PLEKHA7: variants seen among roughly 807,000 people sequenced by gnomAD.
The protein encoded by PLEKHA7 is pleckstrin homology domain-containing family A member 7.
In PLEKHA7, 104 loss-of-function variants were observed where a neutral mutation model predicts 170.0. The observed-to-expected ratio is 0.61, with a 90% CI of 0.52 to 0.72. The LOEUF (loss-of-function observed/expected upper bound fraction) is 0.72, where lower values mean the gene tolerates loss of function less well. Ranked by LOEUF, PLEKHA7 falls within the 30% of genes least tolerant of loss-of-function variation. The pLI is 0.00. For synonymous variants in PLEKHA7, 648 were observed against 660.8 expected (o/e 0.98, Z 0.30); for missense variants, 1,615 against 1,671.7 (o/e 0.97, Z 0.59).
At chr11:16,968,426 T>A (rs542258807) in intron 3 of PLEKHA7, among the ~76,000 whole-genome samples, 1 of 152,346 alleles carries the variant, frequency 6.6e-6, no homozygotes, top group South Asian at 2.1e-4. Flanking sequence ...TGGCCATGTC[T>A]GTGGGCTCAG....
rs145937357 is a variant in PLEKHA7 at position 16,813,942 on chromosome 11, G to A, written c.1954-776C>T. On this transcript the variant is annotated intron_variant, in intron 12 of 26. Transcript: ENST00000531066. ...CACAGAAGCTAACTGTGAGGCAGAG[G>A]AGCTGTGAAAGCTGTGAAAGAAAAA... Among the ~76,000 whole-genome samples the A allele has an allele frequency of 1.1e-4, 17 of 152,348 alleles. No individual in the cohort carries two copies. The South Asian group carries it at 1.7e-3, about 15-fold the overall frequency.
At position 16,897,832 on chromosome 11, in the gene PLEKHA7, G is replaced by A. The variant is rs569171015; in HGVS notation, c.222-26650C>T. Among the ~76,000 whole-genome samples the A allele has an allele frequency of 5.3e-5, 8 of 152,286 alleles. No individual in the cohort carries two copies. In the South Asian group the frequency reaches 8.3e-4, roughly 16 times the overall value. On this transcript the variant is annotated intron_variant, in intron 3 of 26. Coordinates refer to ENST00000531066, the MANE Select transcript of PLEKHA7 (RefSeq NM_001329630.2). ...TGGCTCAAATGTGAATGTAAAAGGC[G>A]ATTAAGGAAATGTGCAGTTCGGTGC...
intron 3 of PLEKHA7, among the ~76,000 whole-genome samples, chr11:16,967,753 C>T (rs1432461332): frequency 2.6e-5 from 4 of 152,186 alleles, no homozygotes; most frequent in Admixed American, 2.0e-4. Flanking sequence ...AGAATGAGCA[C>T]CACACAAGCA....
At chr11:16,931,734 C>G (rs177559) in intron 3 of PLEKHA7, among the ~76,000 whole-genome samples, 19,564 of 144,000 alleles carry the variant, frequency 0.14, 1,330 homozygotes, top group Admixed American at 0.17. Context: ...CAGCCTGGGG[C>G]ACAGAGTGAA....
chr11:16,925,127 C>T (rs1375841724), intron 3 of PLEKHA7, among the ~76,000 whole-genome samples: 1 of 152,234 alleles, frequency 6.6e-6, no homozygotes, highest in Non-Finnish European at 1.5e-5. Flanking sequence ...CCACCCTCTC[C>T]ACTGCTGGCC....
intron 3 of PLEKHA7, among the ~76,000 whole-genome samples, chr11:17,005,582 G>T (rs1590834666): frequency 6.6e-6 from 1 of 152,046 alleles, no homozygotes; most frequent in East Asian, 1.9e-4. Flanking sequence ...TGCCATCAAG[G>T]CACAAGAAAC....
At chr11:16,941,246 G>A (rs1244797730) in intron 3 of PLEKHA7, among the ~76,000 whole-genome samples, 1 of 152,198 alleles carries the variant, frequency 6.6e-6, no homozygotes, top group Admixed American at 6.5e-5. Flanking sequence ...AGAGCTGGAA[G>A]CAATCCACAA....
intron 9 of PLEKHA7, among the ~76,000 whole-genome samples, chr11:16,840,135 G>C (rs1008164782): frequency 6.6e-6 from 1 of 152,158 alleles, no homozygotes; most frequent in South Asian, 2.1e-4. Context: ...AGGGCCCATG[G>C]GGAAGCTCCT....
intron 3 of PLEKHA7, among the ~76,000 whole-genome samples, chr11:16,891,400 T>C (rs1194490159): frequency 6.6e-6 from 1 of 152,094 alleles, no homozygotes; most frequent in Non-Finnish European, 1.5e-5. Flanking sequence ...CTGGCAGCCA[T>C]CAGAAGCAAA....
chr11:16,826,769 C>T (rs902742273), intron 9 of PLEKHA7, among the ~76,000 whole-genome samples, 179 bp from the exon 10 acceptor site: 1 of 152,218 alleles, frequency 6.6e-6, no homozygotes, highest in African/African-American at 2.4e-5. Context: ...TCTGGCTTAA[C>T]ACCACCTCCT....
intron 3 of PLEKHA7, chr11:16,881,644 G>T (rs558046795): frequency 1.3e-5 from 2 of 152,332 alleles, no homozygotes; most frequent in East Asian, 3.9e-4. Context: ...GGGGTTGGCT[G>T]CCCCTCTAGA....
chr11:16,921,145 C>T (rs1476601672), intron 3 of PLEKHA7, among the ~76,000 whole-genome samples: 1 of 152,128 alleles, frequency 6.6e-6, no homozygotes, highest in East Asian at 1.9e-4. Context: ...ACATTGAGAA[C>T]TTCAGACCTC....
chr11:16,944,539 TC>T (rs1312232302), intron 3 of PLEKHA7, among the ~76,000 whole-genome samples: 1 of 121,868 alleles, frequency 8.2e-6, no homozygotes, highest in African/African-American at 3.5e-5. Context: ...AAAGTTCTTC[TC>T]CTTAAAAAAA....
At chr11:16,799,395 G>A (rs142935123) in intron 17 of PLEKHA7, among the ~76,000 whole-genome samples, 92 of 152,328 alleles carry the variant, frequency 6.0e-4, no homozygotes, top group African/African-American at 2.0e-3. Context: ...TGACACATAG[G>A]GAGGGTGATG....
intron 3 of PLEKHA7, among the ~76,000 whole-genome samples, chr11:16,965,592 C>G (rs1368216561): frequency 6.6e-6 from 1 of 152,126 alleles, no homozygotes; most frequent in Admixed American, 6.5e-5. Context: ...AGTGTATTTT[C>G]TTCTCCCTGA....
Position 16,853,527 on chromosome 11 carries a change from GT to G in PLEKHA7, c.523-1173del, listed in dbSNP as rs541458177. Among the ~76,000 whole-genome samples the G allele has an allele frequency of 5.9e-5, 9 of 152,300 alleles. No homozygotes were observed. The South Asian group carries it at 1.9e-3, about 32-fold the overall frequency. Reference sequence around the variant, plus strand: ...ACACCCCCCAGTATAGCCACTCTCTGTTGTGTGTCCACAGCACACAGATCCC... The same window carrying G: ...ACACCCCCCAGTATAGCCACTCTCTGTGTGTGTCCACAGCACACAGATCCC... On this transcript the variant is annotated intron_variant, in intron 6 of 26. Transcript: ENST00000531066.
chr11:16,865,276 G>A (rs1854291662), intron 4 of PLEKHA7, among the ~76,000 whole-genome samples: 1 of 152,222 alleles, frequency 6.6e-6, no homozygotes, highest in African/African-American at 2.4e-5. Context: ...GCCTGAGCTT[G>A]TATTAGCTCT....
At chr11:16,983,101 C>T (rs1189766665) in intron 3 of PLEKHA7, among the ~76,000 whole-genome samples, 2 of 152,208 alleles carry the variant, frequency 1.3e-5, no homozygotes, top group Admixed American at 1.3e-4. Flanking sequence ...TAAACCTTTG[C>T]TTCATGGAGG....
chr11:16,949,157 ATCTG>A (rs750567724), intron 3 of PLEKHA7, among the ~76,000 whole-genome samples: 10 of 151,402 alleles, frequency 6.6e-5, no homozygotes, highest in Admixed American at 4.6e-4. Flanking sequence ...AGCAAGCTTT[ATCTG>A]TCTATCTGTT....
Sources: gnomAD v4.1 joint callset for allele counts (sites outside exome capture counted in the v4.1 genomes callset) on GRCh38, gnomAD v4.1.1 for gene constraint, MANE v1.5 for transcripts, NCBI Gene and HGNC (gene_info 2026-07-23, HGNC 2026-07-21) for gene names.